The following KCNIP4 variants were observed in gnomAD, a reference collection of about 807,000 sequenced individuals.
The protein encoded by KCNIP4 is Kv channel-interacting protein 4.
KCNIP4 carries 12 observed loss-of-function variants against 34.0 expected under a neutral mutation model. The ratio of observed to expected loss-of-function variants is 0.35; its 90% CI spans 0.23 to 0.57. The LOEUF is 0.57. KCNIP4 is among the 20% of genes least tolerant of loss of function. KCNIP4 has a pLI of 0.83. For synonymous variants in KCNIP4, 124 were observed against 102.2 expected, an observed-to-expected ratio of 1.21 and a Z score of -1.29; for missense variants, 238 against 311.7, an observed-to-expected ratio of 0.76 and a Z score of 1.78.
chr4:20,913,253 A>T (rs554890164), intron 1 of KCNIP4, among the ~76,000 whole-genome samples: 7 of 152,246 alleles, frequency 4.6e-5, no homozygotes, highest in Non-Finnish European at 1.0e-4. Context: ...AAAATAAAAA[A>T]TAAAATAAAA....
At chr4:21,845,496 T>C (rs1184547790) in intron 1 of KCNIP4, 7 of 152,114 alleles carry the variant, frequency 4.6e-5, no homozygotes, top group Non-Finnish European at 7.4e-5. Flanking sequence ...ACCTCTGTCC[T>C]AAATCATAAC....
At chr4:21,382,943 GCCAGTACC>G (rs1408871263) in intron 1 of KCNIP4, among the ~76,000 whole-genome samples, 6 of 152,122 alleles carry the variant, frequency 3.9e-5, no homozygotes, top group African/African-American at 1.4e-4. Context: ...AGTCCTAACT[GCCAGTACC>G]TCAGAATATG....
chr4:21,779,169 A>C (rs767611449), intron 1 of KCNIP4, among the ~76,000 whole-genome samples: 5 of 152,194 alleles, frequency 3.3e-5, no homozygotes, highest in Admixed American at 1.3e-4. Flanking sequence ...GAAATATGTA[A>C]ACATTTTGCT....
chr4:21,427,954 G>A (rs1726077588), intron 1 of KCNIP4, among the ~76,000 whole-genome samples: 1 of 152,064 alleles, frequency 6.6e-6, no homozygotes, highest in Admixed American at 6.5e-5. Context: ...GTAAGCATAA[G>A]TCATATGAAT....
chr4:21,256,789 A>T (rs1761091538), intron 1 of KCNIP4, among the ~76,000 whole-genome samples: 1 of 152,174 alleles, frequency 6.6e-6, no homozygotes, highest in Non-Finnish European at 1.5e-5. Context: ...GTGCTTTGGG[A>T]GCAGCAGAAA....
chr4:21,819,871 A>C (rs1722221302), intron 1 of KCNIP4, among the ~76,000 whole-genome samples: 2 of 152,126 alleles, frequency 1.3e-5, no homozygotes, highest in Non-Finnish European at 1.5e-5. Context: ...GGTGTGCAAT[A>C]TGAGATTTGG....
chr4:20,859,752 C>T (rs1479015277), intron 2 of KCNIP4, among the ~76,000 whole-genome samples: 2 of 152,184 alleles, frequency 1.3e-5, no homozygotes, highest in East Asian at 1.9e-4. Context: ...ACTCTAAGGG[C>T]AAATCATGCC....
At position 21,517,359 on chromosome 4, in the gene KCNIP4, G is replaced by A. The variant is rs557623711; in HGVS notation, c.61+431212C>T. 7.9e-5 allele frequency among the ~76,000 whole-genome samples: 12 copies of A among 152,226 alleles called. No individual in the cohort carries two copies. The South Asian group carries it at 8.3e-4, about 11-fold the overall frequency. Reference sequence around the variant, plus strand: ...AGGAGCCCAGTCATAAATGACACAGGAAAGAAAGCAGAGAGTTTTGAACCT... The same window carrying A: ...AGGAGCCCAGTCATAAATGACACAGAAAAGAAAGCAGAGAGTTTTGAACCT... On this transcript the variant is annotated intron_variant, in intron 1 of 8. Coordinates refer to ENST00000382152, the MANE Select transcript of KCNIP4 (RefSeq NM_025221.6).
At chr4:21,633,211 C>A (rs1325250164) in intron 1 of KCNIP4, among the ~76,000 whole-genome samples, 1 of 152,146 alleles carries the variant, frequency 6.6e-6, no homozygotes, top group Non-Finnish European at 1.5e-5. Context: ...GTTTACCTAG[C>A]TAGTAGACAG....
At chr4:21,234,802 C>T (rs1370853589) in intron 1 of KCNIP4, among the ~76,000 whole-genome samples, 3 of 151,636 alleles carry the variant, frequency 2.0e-5, no homozygotes, top group Non-Finnish European at 4.4e-5. Context: ...TGCCCGCTAC[C>T]ATGCCCAGCT....
intron 1 of KCNIP4, among the ~76,000 whole-genome samples, chr4:21,663,374 C>T (rs1748595577): frequency 6.6e-6 from 1 of 152,108 alleles, no homozygotes; most frequent in Non-Finnish European, 1.5e-5. Context: ...TGATGCCTGT[C>T]CACAAGGGTA....
intron 1 of KCNIP4, among the ~76,000 whole-genome samples, chr4:21,006,982 T>G (rs988262118): frequency 1.3e-5 from 2 of 152,218 alleles, no homozygotes; most frequent in Non-Finnish European, 2.9e-5. Flanking sequence ...GTGAATTTCC[T>G]GGCAGTGCCT....
intron 1 of KCNIP4, among the ~76,000 whole-genome samples, chr4:21,628,904 G>A (rs553022377): frequency 1.4e-4 from 22 of 152,138 alleles, no homozygotes; most frequent in African/African-American, 5.3e-4. Context: ...ATTTAAAATG[G>A]CACATTAGCT....
At chr4:20,793,461 T>C (rs1713037019) in intron 3 of KCNIP4, among the ~76,000 whole-genome samples, 1 of 152,106 alleles carries the variant, frequency 6.6e-6, no homozygotes, top group South Asian at 2.1e-4. Flanking sequence ...GATGGATGTT[T>C]TATTATTTTG....
intron 1 of KCNIP4, among the ~76,000 whole-genome samples, chr4:21,786,999 T>C (rs549722746): frequency 1.3e-5 from 2 of 152,210 alleles, no homozygotes; most frequent in South Asian, 2.1e-4. Flanking sequence ...TAAAACGAGA[T>C]AAATATGTGT....
At chr4:20,946,964 T>C (rs187434613) in intron 1 of KCNIP4, among the ~76,000 whole-genome samples, 1 of 152,262 alleles carries the variant, frequency 6.6e-6, no homozygotes, top group Non-Finnish European at 1.5e-5. Flanking sequence ...AGCCTGCCTA[T>C]ATGTATTTTT....
At chr4:21,757,248 A>AAAGAAAGAAAG (rs1209820568) in intron 1 of KCNIP4, among the ~76,000 whole-genome samples, 4 of 23,068 alleles carry the variant, frequency 1.7e-4, no homozygotes, top group South Asian at 1.1e-3. Context: ...AGAAAGAAAG[A>AAAGAAAGAAAG]AAAGAAAAGA....
chr4:20,856,543 A>G (rs1449771242), intron 2 of KCNIP4, among the ~76,000 whole-genome samples: 1 of 152,148 alleles, frequency 6.6e-6, no homozygotes, highest in Non-Finnish European at 1.5e-5. Flanking sequence ...CAAGATCAAT[A>G]TCTTACATGT....
intron 1 of KCNIP4, among the ~76,000 whole-genome samples, chr4:21,476,103 T>C (rs13136002): frequency 0.12 from 18,921 of 152,148 alleles, 1,315 homozygotes; most frequent in South Asian, 0.21. Context: ...TATCTCTAGC[T>C]CAGAAGCAAA....
Sources: gnomAD v4.1 joint callset for allele counts (sites outside exome capture counted in the v4.1 genomes callset) on GRCh38, gnomAD v4.1.1 for gene constraint, MANE v1.5 for transcripts, NCBI Gene and HGNC (gene_info 2026-07-23, HGNC 2026-07-21) for gene names.